Variants in LIN54 observed in about 807,000 individuals in gnomAD.
LIN54 encodes lin-54 DREAM MuvB core complex component.
A neutral mutation model predicts 78.7 loss-of-function variants in LIN54; 9 were observed. That is an observed-to-expected ratio of 0.11 (90% CI 0.07 to 0.20). The LOEUF (loss-of-function observed/expected upper bound fraction) is 0.20. Among genes scored for constraint, LIN54 ranks in the 10% least tolerant of loss-of-function variants. The pLI is 1.00. For synonymous variants in LIN54, 269 were observed against 318.4 expected (o/e 0.84, Z 1.65); for missense variants, 573 against 889.9 (o/e 0.64, Z 4.53).
intron 1 of LIN54, among the ~76,000 whole-genome samples, chr4:82,985,847 C>A (rs906363934): frequency 6.6e-5 from 10 of 151,584 alleles, no homozygotes; most frequent in Non-Finnish European, 1.0e-4. Flanking sequence ...GGCCATCCTC[C>A]GCCATTTAAA....
chr4:82,984,965 A>G (rs1726992840), intron 1 of LIN54, 89 bp from the exon 2 acceptor site: 3 of 797,392 alleles, frequency 3.8e-6, no homozygotes, highest in Non-Finnish European at 5.9e-6. Context: ...GCAAAATGAC[A>G]ATTTTTAAAT....
chr4:82,990,486 C>CTT (rs563326471), intron 1 of LIN54, among the ~76,000 whole-genome samples: 1 of 145,106 alleles, frequency 6.9e-6, no homozygotes, highest in Non-Finnish European at 1.5e-5. Flanking sequence ...TAACACAAAT[C>CTT]TTTTTTTTTT....
chr4:83,012,133 TAA>T (rs918855602), upstream of LIN54: 37 of 602,518 alleles, frequency 6.1e-5, no homozygotes, highest in Admixed American at 4.4e-4. Flanking sequence ...GCTGAGAGTA[TAA>T]AGTGTTCTCA....
At chr4:82,945,252 A>G (rs1365508903) in intron 5 of LIN54, among the ~76,000 whole-genome samples, 1 of 152,224 alleles carries the variant, frequency 6.6e-6, no homozygotes, top group African/African-American at 2.4e-5. Flanking sequence ...ATTGCCATCA[A>G]CTGCTTCTTG....
At chr4:82,993,972 C>T (rs1351685560) in intron 1 of LIN54, among the ~76,000 whole-genome samples, 1 of 152,092 alleles carries the variant, frequency 6.6e-6, no homozygotes, top group East Asian at 1.9e-4. Flanking sequence ...ACTTACATGA[C>T]TTACAAAGCC....
chr4:82,995,271 G>A (rs1335490670), intron 1 of LIN54, among the ~76,000 whole-genome samples: 1 of 151,848 alleles, frequency 6.6e-6, no homozygotes, highest in Non-Finnish European at 1.5e-5. Flanking sequence ...CTGCACTCTG[G>A]CCTGGGTGAC....
At chr4:82,988,976 C>T (rs1306215465) in intron 1 of LIN54, among the ~76,000 whole-genome samples, 2 of 152,024 alleles carry the variant, frequency 1.3e-5, no homozygotes, top group African/African-American at 4.8e-5. Context: ...ACCACAAGGT[C>T]AGGAGATCGA....
chr4:83,001,889 A>G (rs545685952), intron 1 of LIN54, among the ~76,000 whole-genome samples: 10 of 710 alleles, frequency 0.014, no homozygotes, highest in Admixed American at 0.056. Context: ...GAAGGAAGGA[A>G]GGAAGGAGGG....
Position 82,984,678 on chromosome 4 carries a change from G to C in LIN54, c.167C>G (p.Ser56Cys). 6.2e-7 allele frequency: 1 copy of C among 1,614,166 alleles called. No individual in the cohort carries two copies. Among genetic ancestry groups the C allele is most frequent in the African/African-American group, 1.3e-5 (1 of 75,030 alleles). ...EIVNINSTGD[S>C]TATPISTEPI... ...TTCCGTGGAAATGGGCGTGGCTGTA[G>C]AGTCACCAGTAGAATTTATGTTGAC... Residue 56 changes from serine to cysteine, a missense_variant, in exon 2 of 13, where the codon TCT becomes TGT. By Grantham distance (112) the Ser-to-Cys change is moderately radical. Around this residue, in one of 6 missense-constraint regions of LIN54, gnomAD observed 183 missense variants for 228.4 expected, o/e 0.80. Transcript: ENST00000340417.
intron 1 of LIN54, among the ~76,000 whole-genome samples, chr4:83,001,273 A>G (rs1214647247): frequency 6.6e-6 from 1 of 152,192 alleles, no homozygotes; most frequent in East Asian, 1.9e-4. Context: ...CATCTTGGGT[A>G]AGGCACACTG....
At chr4:82,973,140 T>C (rs72925267) in intron 3 of LIN54, among the ~76,000 whole-genome samples, 1,862 of 152,248 alleles carry the variant, frequency 0.012, 41 homozygotes, top group African/African-American at 0.043. Flanking sequence ...ATTCAGTTTA[T>C]AATTGCAACT....
chr4:83,009,945 A>G (rs1729717168), intron 1 of LIN54, among the ~76,000 whole-genome samples: 1 of 152,258 alleles, frequency 6.6e-6, no homozygotes, highest in Non-Finnish European at 1.5e-5. Context: ...AGTATAAAAT[A>G]TAACTGAGAG....
chr4:83,005,783 A>G (rs533447988), intron 1 of LIN54, among the ~76,000 whole-genome samples: 1 of 152,344 alleles, frequency 6.6e-6, no homozygotes, highest in Non-Finnish European at 1.5e-5. Context: ...ATTACTGGGT[A>G]CATATCTAAA....
upstream of LIN54, chr4:83,012,862 G>C (rs1449676537): frequency 6.6e-6 from 1 of 152,046 alleles, no homozygotes; most frequent in Admixed American, 6.6e-5. Context: ...CGGCGGCGGC[G>C]GCGCCTCCGA....
chr4:82,954,972 T>C (rs1724166278), intron 4 of LIN54, among the ~76,000 whole-genome samples: 2 of 152,140 alleles, frequency 1.3e-5, no homozygotes, highest in South Asian at 4.1e-4. Flanking sequence ...GGACAATCCA[T>C]GAAAGAAAAA....
intron 1 of LIN54, among the ~76,000 whole-genome samples, chr4:83,009,467 A>T (rs1161344042): frequency 1.3e-5 from 2 of 152,146 alleles, no homozygotes; most frequent in Admixed American, 6.5e-5. Flanking sequence ...ATGTATAAAA[A>T]TTTTTTTGCC....
intron 11 of LIN54, among the ~76,000 whole-genome samples, chr4:82,935,758 C>G (rs1267337351): frequency 6.6e-6 from 1 of 152,048 alleles, no homozygotes; most frequent in Non-Finnish European, 1.5e-5. Flanking sequence ...TATGGTAAAT[C>G]ACCCAGTAAG....
intron 11 of LIN54, among the ~76,000 whole-genome samples, chr4:82,934,746 G>GA (rs1430398740): frequency 1.3e-5 from 2 of 152,074 alleles, no homozygotes; most frequent in Non-Finnish European, 2.9e-5. Flanking sequence ...CTGAGAATAA[G>GA]AAAGAATGAA....
chr4:82,970,232 G>A, intron 4 of LIN54, 95 bp downstream of exon 4: 4 of 1,128,022 alleles, frequency 3.5e-6, no homozygotes, highest in Non-Finnish European at 5.1e-6. Context: ...TACTTGCTTG[G>A]GAATGTACTA....
Sources: allele counts gnomAD v4.1 joint callset (sites outside exome capture counted in the v4.1 genomes callset), GRCh38; gene constraint gnomAD v4.1.1; regional missense constraint gnomAD v4.1.1; transcripts MANE v1.5; gene names NCBI Gene and HGNC (gene_info 2026-07-23, HGNC 2026-07-21).